Variants in SLIT1 observed in about 807,000 individuals in gnomAD.
SLIT1 encodes slit homolog 1 protein.
SLIT1 carries 66 observed loss-of-function variants against 186.1 expected under a neutral mutation model. The observed-to-expected ratio is 0.35, with a 90% confidence interval of 0.29 to 0.44. The LOEUF (loss-of-function observed/expected upper bound fraction) is 0.44. Ranked by LOEUF, SLIT1 falls within the 20% of genes least tolerant of loss-of-function variation. The pLI, the probability that SLIT1 is intolerant of heterozygous loss-of-function variation, is 1.00. For synonymous variants in SLIT1, 761 were observed against 833.8 expected, an observed-to-expected ratio of 0.91 and a Z score of 1.50; for missense variants, 1,638 against 2,037.4, an observed-to-expected ratio of 0.80 and a Z score of 3.77.
At chr10:97,075,350 G>C (rs925926501) in intron 4 of SLIT1, among the ~76,000 whole-genome samples, 2 of 152,238 alleles carry the variant, frequency 1.3e-5, no homozygotes, top group Non-Finnish European at 2.9e-5. Flanking sequence ...GCCTCAGCCA[G>C]GACTGGCAGA....
intron 4 of SLIT1, among the ~76,000 whole-genome samples, chr10:97,093,155 G>A (rs1295289718): frequency 3.3e-5 from 5 of 152,190 alleles, no homozygotes; most frequent in African/African-American, 1.2e-4. Flanking sequence ...AGGGCAGTGC[G>A]GCAGCCAGAA....
In SLIT1 at chr10:97,185,849, G is replaced by C. The variant is rs914584127; in HGVS notation, c.-175C>G. The C allele has an allele frequency of 1.6e-5, 9 of 549,198 alleles. No homozygotes were observed. Among genetic ancestry groups the C allele is most frequent in the Non-Finnish European group, 2.7e-5 (9 of 332,560 alleles). 34.0% of individuals were successfully genotyped at this position (549,198 alleles called of 1,614,324 possible). A position where few individuals can be genotyped will look rare whatever the true frequency, so the allele number is the denominator to read the frequency against. On this transcript the variant is annotated 5_prime_UTR_variant, in exon 1 of 37. Transcript: ENST00000266058. ...TGCTCCTCCAAGCGACGGCGCCTGT[G>C]CGCGGACGGAGGGAGGGCGCCTTGG...
At position 97,043,233 on chromosome 10, in the gene SLIT1, C is replaced by T. The variant is rs1206505014; in HGVS notation, c.1997+137G>A. The T allele has an allele frequency of 7.5e-6, 10 of 1,341,816 alleles. No individual in the cohort carries two copies. Among genetic ancestry groups the T allele is most frequent in the African/African-American group, 2.9e-5 (2 of 69,062 alleles). The allele number at this position is 1,341,816 out of a possible 1,614,324, so 83.1% of individuals were successfully genotyped here. Reference sequence around the variant, plus strand: ...GGCTCTGAGGACCGGAGGGAGACTTCGAAATGTGGAACCCACGTTTCAGCA... The same window carrying T: ...GGCTCTGAGGACCGGAGGGAGACTTTGAAATGTGGAACCCACGTTTCAGCA... On this transcript the variant is annotated intron_variant, in intron 19 of 36. Coordinates refer to ENST00000266058, the MANE Select transcript of SLIT1 (RefSeq NM_003061.3). This position sits in a 1 kb window ranked among gnomAD's most constrained non-coding sequence, Gnocchi z 7.0.
intron 22 of SLIT1, among the ~76,000 whole-genome samples, chr10:97,037,092 G>A (rs7075754): frequency 5.7e-5 from 8 of 140,250 alleles, no homozygotes; most frequent in Admixed American, 2.8e-4. Context: ...GTGTGTGTGT[G>A]TGTGTGTATG....
rs1284444649 is a variant in SLIT1 at position 97,037,100 on chromosome 10, A to ATG, written c.2366+596_2366+597dup. Among the ~76,000 whole-genome samples, 5 of 75,494 alleles carry ATG rather than the reference A, an allele frequency of 6.6e-5. No homozygotes were observed. In the East Asian group the frequency reaches 1.6e-3, roughly 25 times the overall value. 49.5% of individuals were successfully genotyped at this position (75,494 alleles called of 152,430 possible). A position where few individuals can be genotyped will look rare whatever the true frequency, so the allele number is the denominator to read the frequency against. On this transcript the variant is annotated intron_variant, in intron 22 of 36. Coordinates refer to ENST00000266058, the MANE Select transcript of SLIT1 (RefSeq NM_003061.3). ...TGTGTGTGTGTGTGTGTGTGTGTGTATGTGTGTGTGTGTGACGGAGTTTTG... is the reference window on the plus strand; with the variant it reads ...TGTGTGTGTGTGTGTGTGTGTGTGTATGTGTGTGTGTGTGTGACGGAGTTTTG...
intron 4 of SLIT1, among the ~76,000 whole-genome samples, chr10:97,073,653 G>A (rs919325958): frequency 1.3e-5 from 2 of 152,188 alleles, no homozygotes; most frequent in Non-Finnish European, 1.5e-5. Flanking sequence ...TGGGGGATGC[G>A]GGGATGCTGG....
At chr10:97,073,956 G>A (rs561774364) in intron 4 of SLIT1, among the ~76,000 whole-genome samples, 6 of 152,120 alleles carry the variant, frequency 3.9e-5, no homozygotes, top group African/African-American at 1.4e-4. Context: ...GCTTCTGCCT[G>A]GGATACTCTT....
In SLIT1 at chr10:97,011,141, G is replaced by A; in HGVS notation, c.3204-11C>T. 6.2e-7 allele frequency: 1 copy of A among 1,607,984 alleles called. No homozygotes were observed. Among genetic ancestry groups the A allele is most frequent in the South Asian group, 1.1e-5 (1 of 90,902 alleles). On this transcript the variant is annotated splice_polypyrimidine_tract_variant and intron_variant, in intron 30 of 36. Coordinates refer to ENST00000266058, the MANE Select transcript of SLIT1 (RefSeq NM_003061.3). ...GGCATGCACTCACACCTAGTGGGTG[G>A]GGGGCAGGGGTAGTTGGGGGGTCAG...
At chr10:97,134,601 A>C (rs1564684273) in intron 4 of SLIT1, among the ~76,000 whole-genome samples, 2 of 152,056 alleles carry the variant, frequency 1.3e-5, no homozygotes, top group African/African-American at 4.8e-5. Context: ...TTCATAGGAC[A>C]AAATTCTCTC....
chr10:97,084,392 A>G (rs1849135991), intron 4 of SLIT1, among the ~76,000 whole-genome samples: 1 of 152,136 alleles, frequency 6.6e-6, no homozygotes, highest in South Asian at 2.1e-4. Context: ...AGCTGTTGCA[A>G]TATCTGGGTA....
At chr10:97,111,868 T>TCCAGGGA (rs1438835798) in intron 4 of SLIT1, among the ~76,000 whole-genome samples, 6 of 152,074 alleles carry the variant, frequency 3.9e-5, no homozygotes, top group African/African-American at 1.2e-4. Context: ...GACTCGGGTG[T>TCCAGGGA]CCAGGGACCA....
Position 97,013,726 on chromosome 10 carries a change from A to G in SLIT1, c.3203+15T>C. On this transcript the variant is annotated intron_variant, in intron 30 of 36. Coordinates refer to ENST00000266058, the MANE Select transcript of SLIT1 (RefSeq NM_003061.3). ...CCTGAGCTCCTCCCTGGCCCTGGAA[A>G]GGGGCAACACTCACCTGGGCCCATC... The G allele has an allele frequency of 6.5e-7, 1 of 1,545,200 alleles. No homozygotes were observed. Among genetic ancestry groups the G allele is most frequent in the Non-Finnish European group, 8.8e-7 (1 of 1,141,232 alleles).
intron 20 of SLIT1, among the ~76,000 whole-genome samples, chr10:97,041,251 T>C (rs1037918431): frequency 2.0e-5 from 3 of 152,202 alleles, no homozygotes; most frequent in African/African-American, 7.2e-5. Context: ...GGAGGTTGTC[T>C]GAATGTCCAG....
intron 4 of SLIT1, among the ~76,000 whole-genome samples, chr10:97,091,931 C>G (rs1849236608): frequency 6.6e-6 from 1 of 152,252 alleles, no homozygotes; most frequent in Non-Finnish European, 1.5e-5. Flanking sequence ...GGCGAGAAGT[C>G]TTGCTCACAA....
At chr10:97,002,601 G>A in intron 35 of SLIT1, 103 bp downstream of exon 35, 1 of 1,144,106 alleles carries the variant, frequency 8.7e-7, no homozygotes, top group Non-Finnish European at 1.2e-6. Context: ...CCCTGGCTTA[G>A]GCTACATGTT....
intron 4 of SLIT1, among the ~76,000 whole-genome samples, chr10:97,088,546 G>A (rs990081231): frequency 3.3e-5 from 5 of 152,158 alleles, no homozygotes; most frequent in South Asian, 2.1e-4. Context: ...TTTGCTGGTC[G>A]CCCTGGATTA....
intron 11 of SLIT1, 44 bp from the exon 12 acceptor site, chr10:97,057,325 C>A: frequency 6.5e-7 from 1 of 1,550,142 alleles, no homozygotes; most frequent in Non-Finnish European, 8.9e-7. Flanking sequence ...GACAGCCCAC[C>A]AGGGCAATAG....
intron 4 of SLIT1, among the ~76,000 whole-genome samples, chr10:97,135,603 G>A (rs1281326350): frequency 2.0e-5 from 3 of 152,188 alleles, no homozygotes; most frequent in African/African-American, 7.2e-5. Context: ...CCTGAGGCCT[G>A]GAGAGGTAAC....
chr10:97,062,252 G>A (rs1416621651), intron 8 of SLIT1, among the ~76,000 whole-genome samples: 1 of 152,086 alleles, frequency 6.6e-6, no homozygotes, highest in Non-Finnish European at 1.5e-5. Context: ...CAGCAGTGCA[G>A]AGCACAGCGG....
Sources: allele counts gnomAD v4.1 joint callset (sites outside exome capture counted in the v4.1 genomes callset), GRCh38; gene constraint gnomAD v4.1.1; non-coding constraint Gnocchi (gnomAD v3.1); transcripts MANE v1.5; gene names NCBI Gene and HGNC (gene_info 2026-07-23, HGNC 2026-07-21).